The following PMM2 variants were observed in gnomAD, a reference collection of about 807,000 sequenced individuals.
PMM2 encodes the protein mannose-6-phosphate isomerase.
PMM2 carries 35 observed loss-of-function variants against 33.2 expected under a neutral mutation model. The observed-to-expected ratio is 1.06, with a 90% CI of 0.81 to 1.40. The LOEUF is 1.40. Among genes scored for constraint, PMM2 ranks in the 40% most tolerant of loss-of-function variants. The pLI, the probability that PMM2 is intolerant of heterozygous loss-of-function variation, is 0.00. For synonymous variants in PMM2, 153 were observed against 114.7 expected (o/e 1.33, Z -2.13); for missense variants, 386 against 306.0 (o/e 1.26, Z -1.95).
At chr16:8,811,752 C>T (rs760380573) in intron 6 of PMM2, 39 bp downstream of exon 6, 1 of 1,372,444 alleles carries the variant, frequency 7.3e-7, no homozygotes, top group Non-Finnish European at 1.0e-6. Context: ...CTTGGATACC[C>T]ATTTCCCAGA....
chr16:8,800,402 G>A (rs1359803512), intron 1 of PMM2, among the ~76,000 whole-genome samples: 1 of 151,322 alleles, frequency 6.6e-6, no homozygotes, highest in African/African-American at 2.4e-5. Context: ...ATGTACAACT[G>A]AGATTGCTCA....
At chr16:8,845,523 G>C (rs1229094433) in intron 7 of PMM2, among the ~76,000 whole-genome samples, 1 of 152,142 alleles carries the variant, frequency 6.6e-6, no homozygotes, top group Non-Finnish European at 1.5e-5. Flanking sequence ...CAGTCACTGA[G>C]GCGGGGAGGG....
chr16:8,844,164 C>T (rs961102245), intron 7 of PMM2, among the ~76,000 whole-genome samples: 10 of 152,136 alleles, frequency 6.6e-5, no homozygotes, highest in African/African-American at 2.2e-4. Context: ...GGTCAAGCGG[C>T]ATTGCAGAAG....
intron 7 of PMM2, among the ~76,000 whole-genome samples, chr16:8,846,105 A>G (rs1041221621): frequency 2.6e-5 from 4 of 152,198 alleles, no homozygotes; most frequent in African/African-American, 9.6e-5. Context: ...GGACTGGAAG[A>G]GATGCCAAGT....
At position 8,813,012 on chromosome 16, in the gene PMM2, T is replaced by A. The variant is rs774532663; in HGVS notation, c.545T>A (p.Val182Asp). The A allele has an allele frequency of 1.8e-5, 29 of 1,612,320 alleles. No individual in the cohort carries two copies. The highest frequency in any genetic ancestry group is 2.4e-5 in the Non-Finnish European group (28 of 1,178,392). The change falls in exon 7 of 8, where the codon GTC becomes GAC. Residue 182 changes from valine (V) to aspartate (D), a missense_variant. By Grantham distance (152) the Val-to-Asp change is radical. Coordinates refer to ENST00000268261, the MANE Select transcript of PMM2 (RefSeq NM_000303.3). ...GCAGGAGGCCAGATCAGCTTTGATG[T>A]CTTTCCTGATGGATGGGACAAGAGA... ...FSIGGQISFD[V>D]FPDGWDKRYC... is the part of the protein sequence containing the mutation.
chr16:8,806,592 C>G, intron 4 of PMM2, 185 bp downstream of exon 4: 1 of 624,350 alleles, frequency 1.6e-6, no homozygotes. Context: ...GCTTGGAAAT[C>G]CACATTTTCT....
At chr16:8,831,938 C>T (rs1240887754) in intron 7 of PMM2, among the ~76,000 whole-genome samples, 2 of 152,152 alleles carry the variant, frequency 1.3e-5, no homozygotes, top group Non-Finnish European at 2.9e-5. Context: ...CTCCCTTCTC[C>T]AGGGAACAGG....
At chr16:8,813,898 G>C (rs1332170405) in intron 7 of PMM2, among the ~76,000 whole-genome samples, 1 of 127,200 alleles carries the variant, frequency 7.9e-6, no homozygotes, top group African/African-American at 3.1e-5. Flanking sequence ...ACAGAGTCTC[G>C]CTCTGTTGCC....
At chr16:8,836,766 T>C (rs1314738371) in intron 7 of PMM2, among the ~76,000 whole-genome samples, 1 of 152,060 alleles carries the variant, frequency 6.6e-6, no homozygotes, top group Non-Finnish European at 1.5e-5. Flanking sequence ...GGTCTAGGGC[T>C]GTAAAGCGTG....
At position 8,848,058 on chromosome 16, in the gene PMM2, C is replaced by A. The variant is rs2060939998; in HGVS notation, c.*233C>A. 1 of 532,996 alleles carries A rather than the reference C, an allele frequency of 1.9e-6. No homozygotes were observed. The highest frequency in any genetic ancestry group is 3.4e-6 in the Non-Finnish European group (1 of 294,138). 33.0% of individuals were successfully genotyped at this position (532,996 alleles called of 1,614,324 possible). ...AGGAATGCCTCGCACAAAAGGTCTT[C>A]CCCACCCACCCCCAGCCCCCTAGTC... is the stretch of plus-strand genomic sequence containing the variant. On this transcript the variant is annotated 3_prime_UTR_variant, in exon 8 of 8. Transcript: ENST00000268261.
intron 4 of PMM2, chr16:8,807,840 A>C (rs1382680066): frequency 6.6e-6 from 1 of 152,206 alleles, no homozygotes; most frequent in Non-Finnish European, 1.5e-5. Flanking sequence ...CATGGGTACA[A>C]TTATCTCAGT....
chr16:8,837,087 G>A (rs1459872185), intron 7 of PMM2, among the ~76,000 whole-genome samples: 1 of 151,898 alleles, frequency 6.6e-6, no homozygotes, highest in Non-Finnish European at 1.5e-5. Context: ...TGGGTCTGTA[G>A]AAAAGGAATA....
intron 7 of PMM2, among the ~76,000 whole-genome samples, chr16:8,827,767 C>T (rs1366138586): frequency 4.0e-3 from 240 of 59,832 alleles, no homozygotes; most frequent in East Asian, 0.012. Context: ...TATATGCACA[C>T]ATTTATATAT....
At chr16:8,837,698 C>T (rs2060859840) in intron 7 of PMM2, among the ~76,000 whole-genome samples, 1 of 151,938 alleles carries the variant, frequency 6.6e-6, no homozygotes, top group African/African-American at 2.4e-5. Context: ...GGGGTAGAGA[C>T]ACGGAGAGAA....
At chr16:8,835,878 G>GA (rs1167101889) in intron 7 of PMM2, among the ~76,000 whole-genome samples, 2 of 151,838 alleles carry the variant, frequency 1.3e-5, no homozygotes, top group Non-Finnish European at 1.5e-5. Flanking sequence ...TAAGGTTGGG[G>GA]GATACAAGAG....
At position 8,848,210 on chromosome 16, in the gene PMM2, G is replaced by GT. The variant is rs1404066045; in HGVS notation, c.*392dup. ...TGGTGGGTCTGTGGAAACATAAGCG[G>GT]TTTTTTTAATGGGCCCCTGCATCAA... On this transcript the variant is annotated 3_prime_UTR_variant, in exon 8 of 8. Coordinates refer to ENST00000268261, the MANE Select transcript of PMM2 (RefSeq NM_000303.3). 1 of 236,990 alleles carries GT rather than the reference G, an allele frequency of 4.2e-6. No individual in the cohort carries two copies. Among genetic ancestry groups the GT allele is most frequent in the South Asian group, 5.3e-5 (1 of 18,760 alleles). 14.7% of individuals were successfully genotyped at this position (236,990 alleles called of 1,614,324 possible). A position where few individuals can be genotyped will look rare whatever the true frequency, so the allele number is the denominator to read the frequency against.
Position 8,811,635 on chromosome 16 carries a change from C to T in PMM2, c.448-3C>T. On this transcript the variant is annotated splice_region_variant and splice_polypyrimidine_tract_variant and intron_variant, in intron 5 of 7. Transcript: ENST00000268261. ...ACAATTGGTATCTTTTTGTTTTTCT[C>T]AGAAAGAAAATATAAGACAAAAGTT... 6.2e-7 allele frequency: 1 copy of T among 1,603,966 alleles called. No individual in the cohort carries two copies. The highest frequency in any genetic ancestry group is 1.1e-5 in the South Asian group (1 of 90,832).
intron 1 of PMM2, among the ~76,000 whole-genome samples, chr16:8,801,050 A>C (rs1596483694): frequency 1.3e-5 from 2 of 152,278 alleles, no homozygotes; most frequent in Non-Finnish European, 2.9e-5. Flanking sequence ...CCATAAATGG[A>C]GTATAGTGTA....
At chr16:8,846,193 C>G (rs2060924712) in intron 7 of PMM2, among the ~76,000 whole-genome samples, 1 of 152,184 alleles carries the variant, frequency 6.6e-6, no homozygotes. Context: ...AAATTCACCT[C>G]CACCTGAGGA....
Sources: gnomAD v4.1 joint callset for allele counts (sites outside exome capture counted in the v4.1 genomes callset) on GRCh38, gnomAD v4.1.1 for gene constraint, MANE v1.5 for transcripts, NCBI Gene and HGNC (gene_info 2026-07-23, HGNC 2026-07-21) for gene names.